ITGB2: variants seen among roughly 807,000 people sequenced by gnomAD.
ITGB2 encodes integrin beta-2.
A neutral mutation model predicts 86.8 loss-of-function variants in ITGB2; 56 were observed. That is an observed-to-expected ratio of 0.65 (90% CI 0.52 to 0.81). The LOEUF is 0.81. ITGB2 is among the 30% of genes least tolerant of loss of function. The pLI is 0.00. For missense variants in ITGB2, 948 were observed against 1,061.2 expected (o/e 0.89, Z 1.48); for synonymous variants, 457 against 450.4 (o/e 1.01, Z -0.19).
At chr21:44,898,798 A>G (rs745866723) in intron 8 of ITGB2, among the ~76,000 whole-genome samples, 2 of 152,244 alleles carry the variant, frequency 1.3e-5, no homozygotes, top group South Asian at 2.1e-4. Context: ...CCAGGAAAAA[A>G]CAGAAATATC....
At chr21:44,910,485 C>A in intron 2 of ITGB2, 113 bp from the exon 3 acceptor site, 1 of 1,571,596 alleles carries the variant, frequency 6.4e-7, no homozygotes, top group East Asian at 2.4e-5. Context: ...AGGCAGCCTC[C>A]AGGAGGAGAC....
chr21:44,902,763 C>T (rs909730983), intron 5 of ITGB2, among the ~76,000 whole-genome samples: 3 of 150,884 alleles, frequency 2.0e-5, no homozygotes, highest in East Asian at 2.0e-4. Flanking sequence ...CGTGCATGAG[C>T]GTGCATTTGT....
Position 44,886,274 on chromosome 21 carries a change from G to C in ITGB2, c.*94C>G. On this transcript the variant is annotated 3_prime_UTR_variant, in exon 16 of 16. Coordinates refer to ENST00000652462, the MANE Select transcript of ITGB2 (RefSeq NM_000211.5). The stretch of plus-strand genomic sequence containing the variant: ...AAAATAACTGGATTTCTGGTTAATT[G>C]GTGACATCCTCAAGAGCTGTGGCAA... The C allele has an allele frequency of 8.7e-7, 1 of 1,148,706 alleles. No individual in the cohort carries two copies. Among genetic ancestry groups the C allele is most frequent in the Non-Finnish European group, 1.3e-6 (1 of 756,484 alleles). The allele number at this position is 1,148,706 out of a possible 1,614,324, so 71.2% of individuals were successfully genotyped here. A position where few individuals can be genotyped will look rare whatever the true frequency, so the allele number is the denominator to read the frequency against.
chr21:44,913,879 C>T (rs1004515630), intron 1 of ITGB2, among the ~76,000 whole-genome samples: 3 of 152,200 alleles, frequency 2.0e-5, no homozygotes, highest in Admixed American at 6.5e-5. Context: ...ATGGGTAAGG[C>T]ACAGATGTAG....
intron 5 of ITGB2, among the ~76,000 whole-genome samples, chr21:44,902,639 TCATGTGTGAGTGTGCATTCG>T (rs2083979918): frequency 6.6e-6 from 1 of 151,864 alleles, no homozygotes; most frequent in African/African-American, 2.4e-5. Context: ...GAGGATACAT[TCATGTGTGAGTGTGCATTCG>T]CATGTGTGAG....
chr21:44,893,951 CAG>C (rs2083826656), intron 9 of ITGB2: 2 of 321,806 alleles, frequency 6.2e-6, no homozygotes. Context: ...TGGAGAGAAA[CAG>C]AGAGAGGCAG....
At chr21:44,891,484 T>C (rs2083784609) in intron 11 of ITGB2, among the ~76,000 whole-genome samples, 1 of 152,196 alleles carries the variant, frequency 6.6e-6, no homozygotes, top group South Asian at 2.1e-4. Context: ...GGGGACTCCT[T>C]GTGCCCCTGA....
Position 44,886,071 on chromosome 21 carries a change from A to G in ITGB2, c.*297T>C. The G allele has an allele frequency of 4.1e-6, 2 of 490,236 alleles. No homozygotes were observed. The highest frequency in any genetic ancestry group is 2.3e-5 in the South Asian group (1 of 43,466). The allele number at this position is 490,236 out of a possible 1,614,324, so 30.4% of individuals were successfully genotyped here. A position where few individuals can be genotyped will look rare whatever the true frequency, so the allele number is the denominator to read the frequency against. ...CAAGTTTAAATGTAAATAAATTGGC[A>G]CCACCTTTAATCAGACTGATGTCCT... On this transcript the variant is annotated 3_prime_UTR_variant, in exon 16 of 16. Coordinates refer to ENST00000652462, the MANE Select transcript of ITGB2 (RefSeq NM_000211.5).
intron 1 of ITGB2, chr21:44,911,070 C>A: frequency 1.9e-6 from 1 of 536,056 alleles, no homozygotes; most frequent in Non-Finnish European, 3.4e-6. Flanking sequence ...CACACACACA[C>A]ATGCAGACGT....
chr21:44,898,287 C>T (rs1418885961), intron 8 of ITGB2, among the ~76,000 whole-genome samples: 1 of 152,192 alleles, frequency 6.6e-6, no homozygotes, highest in Non-Finnish European at 1.5e-5. Context: ...GATGGAGCGC[C>T]GCCCACACCC....
intron 6 of ITGB2, among the ~76,000 whole-genome samples, chr21:44,900,880 C>T (rs1291661919): frequency 2.0e-5 from 3 of 152,226 alleles, no homozygotes; most frequent in African/African-American, 7.2e-5. Flanking sequence ...CTTGAGTCCA[C>T]CATTGACAGC....
At chr21:44,920,249 C>T (rs1468729737) in intron 1 of ITGB2, among the ~76,000 whole-genome samples, 1 of 152,078 alleles carries the variant, frequency 6.6e-6, no homozygotes, top group Non-Finnish European at 1.5e-5. Flanking sequence ...CACACACACA[C>T]ACCACACTAC....
intron 14 of ITGB2, among the ~76,000 whole-genome samples, chr21:44,888,355 C>T (rs138169057): frequency 1.2e-3 from 189 of 152,388 alleles, no homozygotes; most frequent in South Asian, 0.011. Context: ...AACTGCAAGC[C>T]TTGCCCCATG....
At chr21:44,898,086 G>A (rs965226313) in intron 8 of ITGB2, among the ~76,000 whole-genome samples, 7 of 152,202 alleles carry the variant, frequency 4.6e-5, no homozygotes, top group South Asian at 2.1e-4. Context: ...AGGTCACACC[G>A]GATAGTCCCA....
At chr21:44,899,256 C>T (rs1487337669) in intron 7 of ITGB2, 94 bp from the exon 8 acceptor site, 2 of 953,226 alleles carry the variant, frequency 2.1e-6, no homozygotes, top group East Asian at 2.6e-5. Context: ...TCAGCCCTGC[C>T]CGTGCTTCGA....
upstream of ITGB2, among the ~76,000 whole-genome samples, chr21:44,925,812 C>G (rs1011734093): frequency 6.6e-6 from 1 of 152,192 alleles, no homozygotes; most frequent in Non-Finnish European, 1.5e-5. Context: ...GGCGCGGGGG[C>G]TCACGCCTGT....
Position 44,893,554 on chromosome 21 carries a change from G to T in ITGB2, c.1084-10C>A, listed in dbSNP as rs746370185. ...CCCTGGAGGAGAGTTTCTGCGGGCAGAGAGCGGTTACTCTTGGGGGCGAGT... is the reference window on the plus strand; with the variant it reads ...CCCTGGAGGAGAGTTTCTGCGGGCATAGAGCGGTTACTCTTGGGGGCGAGT... On this transcript the variant is annotated splice_polypyrimidine_tract_variant and intron_variant, in intron 9 of 15. Transcript: ENST00000652462. 6.2e-7 allele frequency: 1 copy of T among 1,613,700 alleles called. No individual in the cohort carries two copies. Among genetic ancestry groups the T allele is most frequent in the South Asian group, 1.1e-5 (1 of 91,056 alleles).
In ITGB2 at chr21:44,888,819, G is replaced by T; in HGVS notation, c.1954C>A (p.Leu652Met). ...NCSAACPGLQ[L>M]SNNPVKGRTC... Reference sequence around the variant, plus strand: ...CTGCCCTTCACGGGGTTGTTCGACAGCTGCAGGCCCGGACACGCCGCGCTG... The same window carrying T: ...CTGCCCTTCACGGGGTTGTTCGACATCTGCAGGCCCGGACACGCCGCGCTG... Residue 652 changes from leucine (L) to methionine (M), a missense_variant, in exon 14 of 16, where the codon CTG (leucine) becomes ATG (methionine). Coordinates refer to ENST00000652462, the MANE Select transcript of ITGB2 (RefSeq NM_000211.5). 6.2e-7 allele frequency: 1 copy of T among 1,611,422 alleles called. No individual in the cohort carries two copies. The highest frequency in any genetic ancestry group is 8.5e-7 in the Non-Finnish European group (1 of 1,179,982).
intron 14 of ITGB2, among the ~76,000 whole-genome samples, chr21:44,887,719 T>C (rs1258105913): frequency 6.6e-6 from 1 of 152,164 alleles, no homozygotes; most frequent in Non-Finnish European, 1.5e-5. Flanking sequence ...TGGCCAGGAT[T>C]GCACAAACCA....
Sources: gnomAD v4.1 joint callset for allele counts (sites outside exome capture counted in the v4.1 genomes callset) on GRCh38, gnomAD v4.1.1 for gene constraint, MANE v1.5 for transcripts, NCBI Gene and HGNC (gene_info 2026-07-23, HGNC 2026-07-21) for gene names.